ALK: variants seen among roughly 807,000 people sequenced by gnomAD.
ALK encodes the protein ALK tyrosine kinase receptor.
A neutral mutation model predicts 163.1 loss-of-function variants in ALK; 74 were observed. The observed-to-expected ratio is 0.45, with a 90% CI of 0.38 to 0.55. The LOEUF (loss-of-function observed/expected upper bound fraction) is 0.55, where lower values mean the gene tolerates loss of function less well. Ranked by LOEUF, ALK falls within the 20% of genes least tolerant of loss-of-function variation. ALK has a pLI of 0.00. For missense variants in ALK, 2,063 were observed against 2,105.3 expected, an observed-to-expected ratio of 0.98 and a Z score of 0.39; for synonymous variants, 960 against 843.2, an observed-to-expected ratio of 1.14 and a Z score of -2.40.
chr2:29,220,324 C>T (rs893508175), intron 23 of ALK, among the ~76,000 whole-genome samples: 1 of 152,176 alleles, frequency 6.6e-6, no homozygotes, highest in African/African-American at 2.4e-5. Context: ...CCTTCCCCTT[C>T]ACCTTCTGCA....
chr2:29,788,685 A>G lies in ALK; in HGVS notation c.668-70988T>C, dbSNP rs373348949. ...GACTGTCATAATAGAACAGAAAGGGACAGGAAGAGCTTCTGCAGCTGTAGG... is the reference window on the plus strand; with the variant it reads ...GACTGTCATAATAGAACAGAAAGGGGCAGGAAGAGCTTCTGCAGCTGTAGG... On this transcript the variant is annotated intron_variant, in intron 1 of 28. Coordinates refer to ENST00000389048, the MANE Select transcript of ALK (RefSeq NM_004304.5). Among the ~76,000 whole-genome samples the G allele has an allele frequency of 1.6e-4, 25 of 152,288 alleles. No individual in the cohort carries two copies. The East Asian group carries it at 2.9e-3, about 18-fold the overall frequency.
At chr2:29,474,240 A>G (rs1011122058) in intron 4 of ALK, among the ~76,000 whole-genome samples, 5 of 152,220 alleles carry the variant, frequency 3.3e-5, no homozygotes, top group African/African-American at 1.2e-4. Context: ...AATAGTTAAT[A>G]CTATCAAATA....
At chr2:29,394,029 G>A (rs1300511148) in intron 4 of ALK, among the ~76,000 whole-genome samples, 1 of 152,130 alleles carries the variant, frequency 6.6e-6, no homozygotes, top group Non-Finnish European at 1.5e-5. Flanking sequence ...TCATGGATGA[G>A]GTGTTATGAA....
chr2:29,504,392 C>A (rs756175330), intron 4 of ALK, among the ~76,000 whole-genome samples: 34 of 152,252 alleles, frequency 2.2e-4, no homozygotes, highest in Admixed American at 9.1e-4. Flanking sequence ...ATAACTTGAT[C>A]TACATTTTTG....
chr2:29,308,528 A>G (rs774486225), intron 8 of ALK, among the ~76,000 whole-genome samples: 1 of 152,150 alleles, frequency 6.6e-6, no homozygotes, highest in South Asian at 2.1e-4. Flanking sequence ...TTGTGCCTGT[A>G]CTCTAGGCTT....
At position 29,202,879 on chromosome 2, in the gene ALK, C is replaced by T. The variant is rs193177282; in HGVS notation, c.3938+4292G>A. Among the ~76,000 whole-genome samples the T allele has an allele frequency of 2.1e-3, 313 of 152,244 alleles. 1 individual carries two copies. The highest frequency in any genetic ancestry group is 0.017 in the Middle Eastern group (5 of 294). ...AACAATGTTGCAAGTGAACATCCAG[C>T]GCCCAAGTCTATTTGTGTCATCTTC... On this transcript the variant is annotated intron_variant, in intron 26 of 28. Coordinates refer to ENST00000389048, the MANE Select transcript of ALK (RefSeq NM_004304.5).
At chr2:29,763,127 T>C (rs984407264) in intron 1 of ALK, among the ~76,000 whole-genome samples, 1 of 151,404 alleles carries the variant, frequency 6.6e-6, no homozygotes, top group African/African-American at 2.4e-5. Context: ...TGAAGTCAGA[T>C]GACCTGGGTA....
intron 26 of ALK, among the ~76,000 whole-genome samples, chr2:29,204,571 C>T (rs1399101219): frequency 1.3e-5 from 2 of 152,248 alleles, no homozygotes; most frequent in African/African-American, 4.8e-5. Context: ...ATACTGGCAA[C>T]ATGACCCAGC....
At chr2:29,712,760 C>T (rs1558454881) in intron 2 of ALK, among the ~76,000 whole-genome samples, 1 of 152,104 alleles carries the variant, frequency 6.6e-6, no homozygotes, top group East Asian at 1.9e-4. Flanking sequence ...AAAGCACCAG[C>T]CCCTGAACTG....
chr2:29,664,444 G>A (rs1161471973), intron 3 of ALK, among the ~76,000 whole-genome samples: 1 of 152,104 alleles, frequency 6.6e-6, no homozygotes, highest in Non-Finnish European at 1.5e-5. Flanking sequence ...CCATTTGGGA[G>A]TAGGTTTGGG....
chr2:29,659,870 T>A (rs1455999076), intron 3 of ALK, among the ~76,000 whole-genome samples: 1 of 152,124 alleles, frequency 6.6e-6, no homozygotes, highest in Non-Finnish European at 1.5e-5. Flanking sequence ...CTGCTGTACT[T>A]TACCTTCTTT....
At chr2:29,545,118 A>G (rs1673520160) in intron 3 of ALK, among the ~76,000 whole-genome samples, 1 of 152,120 alleles carries the variant, frequency 6.6e-6, no homozygotes, top group African/African-American at 2.4e-5. Flanking sequence ...CACTCTGTGG[A>G]TCAGGCCCAG....
chr2:29,658,994 T>C (rs1440765611), intron 3 of ALK, among the ~76,000 whole-genome samples: 1 of 152,148 alleles, frequency 6.6e-6, no homozygotes, highest in African/African-American at 2.4e-5. Flanking sequence ...GAGCTCATTA[T>C]CTCAAGCAAA....
At chr2:29,592,582 G>GT (rs758775532) in intron 3 of ALK, among the ~76,000 whole-genome samples, 16 of 152,178 alleles carry the variant, frequency 1.1e-4, no homozygotes, top group Non-Finnish European at 2.1e-4. Context: ...TTTTCATGTT[G>GT]GGAGGTCAGA....
chr2:29,425,314 G>A (rs1047066258), intron 4 of ALK, among the ~76,000 whole-genome samples: 23 of 152,088 alleles, frequency 1.5e-4, no homozygotes, highest in Middle Eastern at 6.8e-3. Flanking sequence ...GCTTTCCCCC[G>A]GCCCCTAATT....
At chr2:29,589,137 T>A (rs1036537633) in intron 3 of ALK, among the ~76,000 whole-genome samples, 19 of 152,330 alleles carry the variant, frequency 1.2e-4, no homozygotes, top group Admixed American at 2.0e-4. Context: ...AGATGTATCA[T>A]AAGTAATTTG....
intron 3 of ALK, among the ~76,000 whole-genome samples, chr2:29,566,614 G>A (rs1334920619): frequency 6.6e-6 from 1 of 152,136 alleles, no homozygotes; most frequent in Non-Finnish European, 1.5e-5. Context: ...TTGAGATTTG[G>A]CAAAAATCCT....
In ALK at chr2:29,901,252, G is replaced by A. The variant is rs144936467; in HGVS notation, c.667+18741C>T. 4.4e-3 allele frequency among the ~76,000 whole-genome samples: 669 copies of A among 152,288 alleles called. 7 individuals carry two copies. Among genetic ancestry groups the A allele is most frequent in the African/African-American group, 0.015 (639 of 41,560 alleles). The stretch of plus-strand genomic sequence containing the variant: ...AGATGAGAATGTCTGTAAAGTGCCT[G>A]GCATGTAATAGATGTTCAATAAACT... On this transcript the variant is annotated intron_variant, in intron 1 of 28. Transcript: ENST00000389048.
At chr2:29,242,988 T>A (rs1186070071) in intron 12 of ALK, among the ~76,000 whole-genome samples, 1 of 151,890 alleles carries the variant, frequency 6.6e-6, no homozygotes, top group Non-Finnish European at 1.5e-5. Flanking sequence ...CTAGAAGGAG[T>A]AGCTCCCTCA....
Sources: gnomAD v4.1 joint callset for allele counts (sites outside exome capture counted in the v4.1 genomes callset) on GRCh38, gnomAD v4.1.1 for gene constraint, MANE v1.5 for transcripts, NCBI Gene and HGNC (gene_info 2026-07-23, HGNC 2026-07-21) for gene names.